Variants in DSCAML1 observed in about 807,000 individuals in gnomAD.
DSCAML1 encodes cell adhesion molecule DSCAML1.
DSCAML1 carries 38 observed loss-of-function variants against 200.5 expected under a neutral mutation model. The ratio of observed to expected loss-of-function variants is 0.19; its 90% CI spans 0.15 to 0.25. The LOEUF is 0.25. DSCAML1 is among the 10% of genes least tolerant of loss of function. The probability of loss-of-function intolerance (pLI) is 1.00; values close to 1 mark genes in which losing one functional copy is unlikely to be tolerated. For missense variants in DSCAML1, 2,223 were observed against 2,858.8 expected, an observed-to-expected ratio of 0.78 and a Z score of 5.07; for synonymous variants, 1,215 against 1,165.0, an observed-to-expected ratio of 1.04 and a Z score of -0.87.
chr11:117,625,872 C>T (rs2052032550), intron 3 of DSCAML1, among the ~76,000 whole-genome samples: 1 of 152,210 alleles, frequency 6.6e-6, no homozygotes, highest in Non-Finnish European at 1.5e-5. Context: ...CCATCAATGT[C>T]CCCTATCAGA....
chr11:117,729,871 C>T (rs2054190704), intron 3 of DSCAML1, among the ~76,000 whole-genome samples: 2 of 152,190 alleles, frequency 1.3e-5, no homozygotes, highest in Admixed American at 1.3e-4. Flanking sequence ...GGGAGATTAT[C>T]CAAGTGGGCC....
intron 3 of DSCAML1, among the ~76,000 whole-genome samples, chr11:117,671,280 G>A (rs1318598041): frequency 2.0e-5 from 3 of 152,206 alleles, no homozygotes; most frequent in African/African-American, 7.2e-5. Flanking sequence ...GCTTCATAGA[G>A]CAGCTTCCAG....
intron 3 of DSCAML1, among the ~76,000 whole-genome samples, chr11:117,624,491 T>C (rs1195503227): frequency 6.6e-6 from 1 of 152,138 alleles, no homozygotes; most frequent in Non-Finnish European, 1.5e-5. Context: ...AAGCATCAGG[T>C]GCACTTGGAT....
intron 7 of DSCAML1, among the ~76,000 whole-genome samples, chr11:117,517,045 C>G (rs1203493104): frequency 6.6e-6 from 1 of 152,160 alleles, no homozygotes; most frequent in Non-Finnish European, 1.5e-5. Flanking sequence ...TAGGACCAAA[C>G]TGCAGCCCCA....
chr11:117,725,399 C>T (rs899701873), intron 3 of DSCAML1, among the ~76,000 whole-genome samples: 2 of 152,148 alleles, frequency 1.3e-5, no homozygotes. Context: ...AAGGCTGGTG[C>T]AGGGCAGAGG....
At chr11:117,711,862 A>T (rs1370824667) in intron 3 of DSCAML1, among the ~76,000 whole-genome samples, 1 of 152,186 alleles carries the variant, frequency 6.6e-6, no homozygotes, top group African/African-American at 2.4e-5. Flanking sequence ...TCCTAAACTG[A>T]ATTTGCATTA....
intron 3 of DSCAML1, among the ~76,000 whole-genome samples, chr11:117,712,662 C>A (rs1461968517): frequency 6.6e-6 from 1 of 151,918 alleles, no homozygotes; most frequent in African/African-American, 2.4e-5. Context: ...CGCTGGTGTC[C>A]CAGGGATCCA....
chr11:117,541,056 T>C (rs1366599546), intron 3 of DSCAML1, among the ~76,000 whole-genome samples: 2 of 152,222 alleles, frequency 1.3e-5, no homozygotes, highest in Non-Finnish European at 2.9e-5. Flanking sequence ...GGAGCTGCAA[T>C]AACCCTTGAG....
chr11:117,667,173 A>T (rs535485601), intron 3 of DSCAML1, among the ~76,000 whole-genome samples: 12 of 152,302 alleles, frequency 7.9e-5, no homozygotes, highest in African/African-American at 2.6e-4. Flanking sequence ...GCACTTCGGG[A>T]GGCCAAGGTG....
intron 20 of DSCAML1, among the ~76,000 whole-genome samples, 176 bp from the exon 21 acceptor site, chr11:117,444,215 G>T (rs2242135): frequency 0.19 from 28,495 of 152,116 alleles, 3,586 homozygotes; most frequent in East Asian, 0.58. Context: ...TGTGCCCTGG[G>T]TTTGGTCCCT....
At chr11:117,765,273 C>T (rs1011834157) in intron 3 of DSCAML1, among the ~76,000 whole-genome samples, 1 of 152,210 alleles carries the variant, frequency 6.6e-6, no homozygotes, top group Non-Finnish European at 1.5e-5. Flanking sequence ...TACAGAGACC[C>T]GTATTTAAGT....
intron 11 of DSCAML1, among the ~76,000 whole-genome samples, chr11:117,483,191 C>T (rs1565727483): frequency 6.6e-6 from 1 of 152,236 alleles, no homozygotes; most frequent in East Asian, 1.9e-4. Flanking sequence ...CCCCTTTCTC[C>T]TCCGCCCAAC....
At chr11:117,670,381 G>A (rs2053079345) in intron 3 of DSCAML1, among the ~76,000 whole-genome samples, 1 of 152,080 alleles carries the variant, frequency 6.6e-6, no homozygotes, top group Non-Finnish European at 1.5e-5. Context: ...ATTCACTCCA[G>A]TAAATATCGA....
At chr11:117,455,630 A>G (rs2137130221) in intron 19 of DSCAML1, among the ~76,000 whole-genome samples, 1 of 152,322 alleles carries the variant, frequency 6.6e-6, no homozygotes, top group East Asian at 1.9e-4. Context: ...TTTTAAATTT[A>G]TTTTGCTTTT....
In DSCAML1 at chr11:117,429,375, T is replaced by A. The variant is rs552849775; in HGVS notation, c.5687-572A>T. ...AGCTACATGTCCCCTCTCCTCCCCC[T>A]CGGTCCCCTCTTCTCCAGGTGGAAA... On this transcript the variant is annotated intron_variant, in intron 32 of 32. Coordinates refer to ENST00000651296, the MANE Select transcript of DSCAML1 (RefSeq NM_020693.4). Among the ~76,000 whole-genome samples, 379 of 152,268 alleles carry A rather than the reference T, an allele frequency of 2.5e-3. 1 individual carries two copies. Among genetic ancestry groups the A allele is most frequent in the African/African-American group, 8.6e-3 (358 of 41,552 alleles).
intron 3 of DSCAML1, among the ~76,000 whole-genome samples, chr11:117,721,173 C>T (rs1012941748): frequency 1.3e-5 from 2 of 152,184 alleles, no homozygotes; most frequent in Non-Finnish European, 2.9e-5. Flanking sequence ...ATGTTCTGCA[C>T]ACTTGGACTG....
chr11:117,568,175 C>G (rs113197413), intron 3 of DSCAML1, among the ~76,000 whole-genome samples: 2 of 152,100 alleles, frequency 1.3e-5, no homozygotes, highest in African/African-American at 2.4e-5. Context: ...ATTCAACAAC[C>G]CTTCCTGCTA....
chr11:117,439,411 T>C lies in DSCAML1; in HGVS notation c.3999A>G (p.Pro1333=), dbSNP rs2047995473. Residue 1333 remains proline, a synonymous_variant, in exon 23 of 33, where the codon CCA becomes CCG. Transcript: ENST00000651296. ...TGAGCCGGTGCCCATCCATGGACAC[T>C]GGAATGGCCGAGTCTTCACTGCCAG... ...WTKDSEDSAI[P]VSMDGHRLIH... is the part of the protein sequence containing the mutation. 6.2e-7 allele frequency: 1 copy of C among 1,612,986 alleles called. No homozygotes were observed. The highest frequency in any genetic ancestry group is 2.2e-5 in the East Asian group (1 of 44,852).
At chr11:117,750,863 G>A (rs1683302347) in intron 3 of DSCAML1, among the ~76,000 whole-genome samples, 1 of 152,158 alleles carries the variant, frequency 6.6e-6, no homozygotes, top group African/African-American at 2.4e-5. Context: ...TGCCCTCCAG[G>A]GGCTTATGCT....
Sources: gnomAD v4.1 joint callset for allele counts (sites outside exome capture counted in the v4.1 genomes callset) on GRCh38, gnomAD v4.1.1 for gene constraint, MANE v1.5 for transcripts, NCBI Gene and HGNC (gene_info 2026-07-23, HGNC 2026-07-21) for gene names.